Variants in ANTXR1 observed in about 807,000 individuals in gnomAD.
The protein encoded by ANTXR1 is anthrax toxin receptor 1.
A neutral mutation model predicts 78.1 loss-of-function variants in ANTXR1; 19 were observed. That is an observed-to-expected ratio of 0.24 (90% CI 0.17 to 0.36). The LOEUF (loss-of-function observed/expected upper bound fraction) is 0.36, where lower values mean the gene tolerates loss of function less well. ANTXR1 is among the 10% of genes least tolerant of loss of function. The pLI is 1.00. For missense variants in ANTXR1, 518 were observed against 718.6 expected (o/e 0.72, Z 3.19); for synonymous variants, 273 against 260.5 (o/e 1.05, Z -0.46).
intron 12 of ANTXR1, among the ~76,000 whole-genome samples, chr2:69,144,180 C>T (rs1673152441): frequency 1.3e-5 from 2 of 152,224 alleles, no homozygotes; most frequent in Admixed American, 6.5e-5. Context: ...AGGCGCCAGT[C>T]CTGTGAATCC....
At chr2:69,168,266 A>T (rs1195635087) in intron 13 of ANTXR1, among the ~76,000 whole-genome samples, 1 of 152,258 alleles carries the variant, frequency 6.6e-6, no homozygotes, top group African/African-American at 2.4e-5. Flanking sequence ...TGCAGCATCT[A>T]TTGAGCACCT....
chr2:69,098,207 A>G (rs1369747935), intron 9 of ANTXR1, among the ~76,000 whole-genome samples: 2 of 152,162 alleles, frequency 1.3e-5, no homozygotes, highest in African/African-American at 4.8e-5. Flanking sequence ...AATTTATCAA[A>G]TCATACACTT....
intron 14 of ANTXR1, chr2:69,172,364 C>T (rs780432864): frequency 1.3e-5 from 21 of 1,610,638 alleles, no homozygotes; most frequent in East Asian, 2.2e-5. Context: ...TGTATTTTGG[C>T]AGGAAAATAA....
At chr2:69,163,977 C>T (rs1673754774) in intron 13 of ANTXR1, among the ~76,000 whole-genome samples, 1 of 152,168 alleles carries the variant, frequency 6.6e-6, no homozygotes, top group Admixed American at 6.5e-5. Context: ...CACAGTTTTG[C>T]AGTTTAGTGA....
intron 12 of ANTXR1, chr2:69,145,851 ACTC>A: frequency 1.0e-6 from 1 of 986,308 alleles, no homozygotes; most frequent in Non-Finnish European, 1.2e-6. Context: ...AAGATATTTC[ACTC>A]CCGCCCCATG....
At chr2:69,163,980 T>C (rs2104444413) in intron 13 of ANTXR1, among the ~76,000 whole-genome samples, 1 of 152,306 alleles carries the variant, frequency 6.6e-6, no homozygotes, top group South Asian at 2.1e-4. Context: ...AGTTTTGCAG[T>C]TTAGTGATTT....
intron 12 of ANTXR1, among the ~76,000 whole-genome samples, chr2:69,132,066 T>C (rs1192773054): frequency 6.6e-6 from 1 of 151,978 alleles, no homozygotes; most frequent in Non-Finnish European, 1.5e-5. Context: ...CAGCACAAGG[T>C]TGGAAGCCAA....
intron 14 of ANTXR1, chr2:69,172,600 C>T (rs1674019636): frequency 2.5e-6 from 3 of 1,195,708 alleles, no homozygotes; most frequent in Middle Eastern, 3.2e-4. Flanking sequence ...TATTATTTAT[C>T]CCAACTTTCA....
intron 3 of ANTXR1, among the ~76,000 whole-genome samples, chr2:69,061,699 A>T (rs1270472690): frequency 1.3e-5 from 2 of 152,196 alleles, no homozygotes; most frequent in Admixed American, 6.5e-5. Flanking sequence ...ATATAGAGAG[A>T]TGTGAATAAA....
At chr2:69,019,396 G>A (rs1353145844) in intron 1 of ANTXR1, among the ~76,000 whole-genome samples, 11 of 152,106 alleles carry the variant, frequency 7.2e-5, no homozygotes, top group Non-Finnish European at 1.5e-4. Flanking sequence ...ATAAGTATCT[G>A]TGTTGATTTT....
chr2:69,203,644 C>T (rs544773345), intron 17 of ANTXR1, among the ~76,000 whole-genome samples: 114 of 152,218 alleles, frequency 7.5e-4, no homozygotes, highest in Non-Finnish European at 9.9e-4. Flanking sequence ...CTCTCCCTCT[C>T]TCTTTCCCCC....
intron 10 of ANTXR1, among the ~76,000 whole-genome samples, chr2:69,108,336 G>A (rs913759230): frequency 4.6e-5 from 7 of 152,132 alleles, no homozygotes; most frequent in South Asian, 2.1e-4. Flanking sequence ...CTAGGCTACC[G>A]AGAGGGTAAT....
At chr2:69,094,648 G>T (rs1417295913) in intron 9 of ANTXR1, among the ~76,000 whole-genome samples, 1 of 152,164 alleles carries the variant, frequency 6.6e-6, no homozygotes, top group African/African-American at 2.4e-5. Flanking sequence ...GCTGATGATT[G>T]CATTCCTCTA....
intron 1 of ANTXR1, among the ~76,000 whole-genome samples, chr2:69,019,632 A>G (rs1050241877): frequency 1.3e-5 from 2 of 152,208 alleles, no homozygotes; most frequent in African/African-American, 4.8e-5. Context: ...AAGAAATTAC[A>G]TAAGAATGTG....
intron 1 of ANTXR1, among the ~76,000 whole-genome samples, chr2:69,036,079 A>G (rs1669406794): frequency 2.0e-5 from 3 of 152,220 alleles, no homozygotes; most frequent in African/African-American, 7.2e-5. Context: ...ACTCCTTGAG[A>G]ATGAGGAAAT....
chr2:69,238,123 G>T (rs191204576), intron 17 of ANTXR1, among the ~76,000 whole-genome samples: 2 of 152,140 alleles, frequency 1.3e-5, no homozygotes, highest in African/African-American at 4.8e-5. Context: ...CTATTCAAAT[G>T]ATCAGTCCTG....
chr2:69,209,004 G>A (rs1639775570), intron 17 of ANTXR1, among the ~76,000 whole-genome samples: 1 of 152,300 alleles, frequency 6.6e-6, no homozygotes, highest in South Asian at 2.1e-4. Context: ...TCAGGCTCCA[G>A]TGATCCTCCT....
chr2:69,101,090 C>G (rs551706979), intron 9 of ANTXR1, among the ~76,000 whole-genome samples: 1 of 152,296 alleles, frequency 6.6e-6, no homozygotes, highest in East Asian at 1.9e-4. Context: ...GTGAAGGCCT[C>G]TTATACTTCT....
At chr2:69,051,990 A>G (rs965646656) in intron 3 of ANTXR1, among the ~76,000 whole-genome samples, 1 of 151,976 alleles carries the variant, frequency 6.6e-6, no homozygotes, top group African/African-American at 2.4e-5. Context: ...TAATTTTTCA[A>G]TGATTTGAAA....
Sources: gnomAD v4.1 joint callset for allele counts (sites outside exome capture counted in the v4.1 genomes callset) on GRCh38, gnomAD v4.1.1 for gene constraint, MANE v1.5 for transcripts, NCBI Gene and HGNC (gene_info 2026-07-23, HGNC 2026-07-21) for gene names.